The following UGT1A7 variants were observed in gnomAD, a reference collection of about 807,000 sequenced individuals.
UGT1A7 encodes the protein UDP-glucuronosyltransferase 1A7.
In UGT1A7, 33 loss-of-function variants were observed where a neutral mutation model predicts 45.6. That is an observed-to-expected ratio of 0.72 (90% CI 0.55 to 0.97). The LOEUF (loss-of-function observed/expected upper bound fraction) is 0.97. Among genes scored for constraint, UGT1A7 ranks in the 50% least tolerant of loss-of-function variants. The probability of loss-of-function intolerance (pLI) is 0.00; values close to 1 mark genes in which losing one functional copy is unlikely to be tolerated. For missense variants in UGT1A7, 684 were observed against 666.2 expected (o/e 1.03, Z -0.29); for synonymous variants, 274 against 250.6 (o/e 1.09, Z -0.88).
At chr2:233,719,126 A>C (rs771877893) in intron 1 of UGT1A7, 16 of 1,614,152 alleles carry the variant, frequency 9.9e-6, no homozygotes, top group Non-Finnish European at 1.4e-5. Context: ...GGTTCTTTGA[A>C]ACAGAACATC....
chr2:233,719,328 G>T (rs776987422), intron 1 of UGT1A7: 1 of 1,613,970 alleles, frequency 6.2e-7, no homozygotes, highest in South Asian at 1.1e-5. Context: ...GATTCCTGCT[G>T]TGTTTTTTTG....
In UGT1A7 at chr2:233,743,625, C is replaced by T. The variant is rs201123763; in HGVS notation, c.856-23409C>T. On this transcript the variant is annotated intron_variant, in intron 1 of 4. Coordinates refer to ENST00000373426, the MANE Select transcript of UGT1A7 (RefSeq NM_019077.3). The stretch of plus-strand genomic sequence containing the variant: ...CCGCCGAAGAACTCCCTGAAGACGT[C>T]GGCTGGGTCGCGGAAGCTGAAGACG... The T allele has an allele frequency of 8.8e-5, 121 of 1,367,318 alleles. 1 individual carries two copies. Among genetic ancestry groups the T allele is most frequent in the Non-Finnish European group, 9.0e-5 (92 of 1,021,868 alleles). The allele number at this position is 1,367,318 out of a possible 1,614,324, so 84.7% of individuals were successfully genotyped here.
chr2:233,698,547 CA>C (rs2075447093), intron 1 of UGT1A7, among the ~76,000 whole-genome samples: 1 of 152,080 alleles, frequency 6.6e-6, no homozygotes, highest in Non-Finnish European at 1.5e-5. Context: ...CACGAGTGGC[CA>C]ACAAAACTTT....
In UGT1A7 at chr2:233,685,809, C is replaced by T. The variant is rs756161110; in HGVS notation, c.855+3017C>T. Among the ~76,000 whole-genome samples, 31 of 152,214 alleles carry T rather than the reference C, an allele frequency of 2.0e-4. No homozygotes were observed. In the East Asian group the frequency reaches 3.3e-3, roughly 16 times the overall value. On this transcript the variant is annotated intron_variant, in intron 1 of 4. Transcript: ENST00000373426. Reference sequence around the variant, plus strand: ...AAAATCTTGGCATGTTGTCTCATCACGAAATACTTCACTAAATATAAAAAA... The same window carrying T: ...AAAATCTTGGCATGTTGTCTCATCATGAAATACTTCACTAAATATAAAAAA...
Position 233,698,733 on chromosome 2 carries a change from A to G in UGT1A7, c.855+15941A>G, listed in dbSNP as rs76518000. 8.6e-3 allele frequency among the ~76,000 whole-genome samples: 1,305 copies of G among 152,372 alleles called. 33 individuals carry two copies. Among genetic ancestry groups the G allele is most frequent in the East Asian group, 0.059 (306 of 5,188 alleles). On this transcript the variant is annotated intron_variant, in intron 1 of 4. Transcript: ENST00000373426. ...GCCTTTTGAAAACCATAGCTTGGTG[A>G]CCATTTTTTACATAATGCTATGATT...
chr2:233,748,602 G>C (rs1484667450), intron 1 of UGT1A7, among the ~76,000 whole-genome samples: 1 of 151,816 alleles, frequency 6.6e-6, no homozygotes, highest in Non-Finnish European at 1.5e-5. Flanking sequence ...AGTGGAAGTA[G>C]AGCAACGAAC....
At chr2:233,690,604 G>A (rs756529632) in intron 1 of UGT1A7, 73 of 1,288,948 alleles carry the variant, frequency 5.7e-5, no homozygotes, top group Non-Finnish European at 6.8e-5. Flanking sequence ...AAAAAAATCG[G>A]CCTTTGCCTG....
intron 1 of UGT1A7, among the ~76,000 whole-genome samples, chr2:233,726,045 G>A (rs1002009410): frequency 1.3e-5 from 2 of 151,996 alleles, no homozygotes; most frequent in Non-Finnish European, 2.9e-5. Context: ...GCACACCTGT[G>A]GTCCCAGCTA....
At chr2:233,761,135 A>G (rs755308142) in intron 1 of UGT1A7, 1 of 1,614,240 alleles carries the variant, frequency 6.2e-7, no homozygotes. Context: ...TGCCTTCACC[A>G]AAATCCACTA....
chr2:233,728,280 T>C (rs2077695615), intron 1 of UGT1A7, among the ~76,000 whole-genome samples: 1 of 152,156 alleles, frequency 6.6e-6, no homozygotes, highest in Non-Finnish European at 1.5e-5. Flanking sequence ...GCCTTCGGCA[T>C]TCAGAAGAGG....
At chr2:233,724,310 G>A (rs1212736933) in intron 1 of UGT1A7, among the ~76,000 whole-genome samples, 12 of 140,982 alleles carry the variant, frequency 8.5e-5, no homozygotes, top group African/African-American at 1.3e-4. Context: ...CCTCCCTCCC[G>A]GACGGGGCGG....
chr2:233,768,023 G>A, intron 3 of UGT1A7, 87 bp downstream of exon 3: 1 of 1,613,460 alleles, frequency 6.2e-7, no homozygotes, highest in Non-Finnish European at 8.5e-7. Flanking sequence ...GGATTGTTGA[G>A]CTTGAAAATA....
intron 1 of UGT1A7, chr2:233,693,987 T>A: frequency 1.3e-6 from 2 of 1,542,284 alleles, no homozygotes; most frequent in Non-Finnish European, 1.7e-6. Flanking sequence ...TGGGGGGAAG[T>A]GATACCCGGC....
At chr2:233,764,456 G>A (rs184552145) in intron 1 of UGT1A7, among the ~76,000 whole-genome samples, 34 of 152,210 alleles carry the variant, frequency 2.2e-4, no homozygotes, top group African/African-American at 7.9e-4. Context: ...TTAAACTTTC[G>A]TGATCTCCTG....
At chr2:233,738,562 T>A (rs1039423006) in intron 1 of UGT1A7, among the ~76,000 whole-genome samples, 1 of 152,186 alleles carries the variant, frequency 6.6e-6, no homozygotes, top group Admixed American at 6.5e-5. Context: ...AGATGAGGAA[T>A]CTGTTGAGAA....
chr2:233,763,730 G>A (rs559647176), intron 1 of UGT1A7, among the ~76,000 whole-genome samples: 3 of 152,268 alleles, frequency 2.0e-5, no homozygotes, highest in Non-Finnish European at 4.4e-5. Context: ...GCACAACCTG[G>A]CATTGGCGTG....
chr2:233,765,082 C>T (rs2741017), intron 1 of UGT1A7, among the ~76,000 whole-genome samples: 1 of 152,198 alleles, frequency 6.6e-6, no homozygotes, highest in South Asian at 2.1e-4. Context: ...TGTCTCACAT[C>T]TAGGGTGACC....
chr2:233,717,316 T>A (rs2076563211), intron 1 of UGT1A7, among the ~76,000 whole-genome samples: 1 of 152,198 alleles, frequency 6.6e-6, no homozygotes, highest in African/African-American at 2.4e-5. Context: ...TTTCTAGCAC[T>A]CTGTGTCCTC....
intron 1 of UGT1A7, among the ~76,000 whole-genome samples, chr2:233,715,640 T>C (rs6749496): frequency 0.45 from 68,545 of 151,744 alleles, 16,739 homozygotes; most frequent in African/African-American, 0.65. Flanking sequence ...GGTGTGATGG[T>C]GCACACCTGT....
Sources: allele counts gnomAD v4.1 joint callset (sites outside exome capture counted in the v4.1 genomes callset), GRCh38; gene constraint gnomAD v4.1.1; transcripts MANE v1.5; gene names NCBI Gene and HGNC (gene_info 2026-07-23, HGNC 2026-07-21).